CNOT6L: variants seen among roughly 807,000 people sequenced by gnomAD.
CNOT6L encodes CCR4-NOT transcription complex subunit 6-like.
Under a neutral mutation model 64.0 loss-of-function variants are expected in CNOT6L, and 7 were observed. The ratio of observed to expected loss-of-function variants is 0.11; its 90% CI spans 0.06 to 0.21. CNOT6L has a LOEUF of 0.21. CNOT6L is among the 10% of genes least tolerant of loss of function. The pLI is 1.00. For synonymous variants in CNOT6L, 193 were observed against 243.4 expected, an observed-to-expected ratio of 0.79 and a Z score of 1.93; for missense variants, 245 against 669.0, an observed-to-expected ratio of 0.37 and a Z score of 6.99.
At chr4:77,786,577 T>C (rs1729472550) in intron 1 of CNOT6L, among the ~76,000 whole-genome samples, 1 of 152,090 alleles carries the variant, frequency 6.6e-6, no homozygotes, top group Admixed American at 6.5e-5. Context: ...GGGTGTTAAG[T>C]GATTCTCCCA....
chr4:77,793,792 T>C (rs1055343065), intron 1 of CNOT6L, among the ~76,000 whole-genome samples: 4 of 152,252 alleles, frequency 2.6e-5, no homozygotes, highest in African/African-American at 7.2e-5. Flanking sequence ...TACAGGTATA[T>C]GCGTTATAAA....
At chr4:77,782,774 C>A (rs944093858) in intron 1 of CNOT6L, among the ~76,000 whole-genome samples, 5 of 151,940 alleles carry the variant, frequency 3.3e-5, no homozygotes, top group Non-Finnish European at 5.9e-5. Context: ...CCACTACAAC[C>A]AACTATAGTA....
chr4:77,816,118 T>C (rs1469078213), intron 1 of CNOT6L, among the ~76,000 whole-genome samples: 1 of 152,210 alleles, frequency 6.6e-6, no homozygotes, highest in East Asian at 1.9e-4. Flanking sequence ...CTAAACAAGT[T>C]TCCACCTTGA....
chr4:77,720,350 A>G lies in CNOT6L; in HGVS notation c.*81T>C. 1 of 1,330,946 alleles carries G rather than the reference A, an allele frequency of 7.5e-7. No homozygotes were observed. Among genetic ancestry groups the G allele is most frequent in the Non-Finnish European group, 1.1e-6 (1 of 948,680 alleles). The allele number at this position is 1,330,946 out of a possible 1,614,324, so 82.4% of individuals were successfully genotyped here. A position where few individuals can be genotyped will look rare whatever the true frequency, so the allele number is the denominator to read the frequency against. On this transcript the variant is annotated 3_prime_UTR_variant, in exon 12 of 12. Coordinates refer to ENST00000504123, the MANE Select transcript of CNOT6L (RefSeq NM_144571.3). Reference sequence around the variant, plus strand: ...CTGAAGAAGCAGCTTAAGGATGGCCATACTTCACTCCTACATACTTTGATT... The same window carrying G: ...CTGAAGAAGCAGCTTAAGGATGGCCGTACTTCACTCCTACATACTTTGATT...
chr4:77,734,862 C>CA (rs1262282308), intron 8 of CNOT6L, among the ~76,000 whole-genome samples: 2 of 152,056 alleles, frequency 1.3e-5, no homozygotes, highest in Non-Finnish European at 2.9e-5. Context: ...TATGAGCATG[C>CA]ATTCTCTTCT....
chr4:77,751,014 C>T (rs2102116), intron 5 of CNOT6L, among the ~76,000 whole-genome samples: 119,599 of 152,116 alleles, frequency 0.79, 47,873 homozygotes, highest in Non-Finnish European at 0.86. Flanking sequence ...AAGCACTGGT[C>T]ATACCAAGAA....
At chr4:77,733,479 T>C (rs897917999) in intron 8 of CNOT6L, among the ~76,000 whole-genome samples, 2 of 152,128 alleles carry the variant, frequency 1.3e-5, no homozygotes, top group Non-Finnish European at 2.9e-5. Context: ...TGAGTGAACA[T>C]GTTATTTTCA....
chr4:77,717,096 T>C lies in CNOT6L; in HGVS notation c.*3335A>G, dbSNP rs2109834109. 1 of 152,660 alleles carries C rather than the reference T, an allele frequency of 6.6e-6. No individual in the cohort carries two copies. The highest frequency in any genetic ancestry group is 2.4e-5 in the African/African-American group (1 of 41,574). The allele number at this position is 152,660 out of a possible 1,614,324, so 9.5% of individuals were successfully genotyped here. ...TTTACTATATCTGAATTCTAAAAAG[T>C]TGCCTATAGAATGGTGCTGGGATTC... On this transcript the variant is annotated 3_prime_UTR_variant, in exon 12 of 12. Coordinates refer to ENST00000504123, the MANE Select transcript of CNOT6L (RefSeq NM_144571.3).
chr4:77,720,724 A>C (rs1721189199), intron 11 of CNOT6L, 81 bp from the exon 12 acceptor site: 5 of 1,374,196 alleles, frequency 3.6e-6, no homozygotes, highest in Non-Finnish European at 5.1e-6. Context: ...AAACCAAAAA[A>C]CTGACTACCC....
In CNOT6L at chr4:77,819,072, A is replaced by ACACACACACACACACACACC; in HGVS notation, c.5+231_5+232insGGTGTGTGTGTGTGTGTGTG. ...CCGACACACACACACACACACACAC[A>ACACACACACACACACACACC]CACCCCGGAACCTTCGCCCGCCTCT... is the stretch of plus-strand genomic sequence containing the variant. On this transcript the variant is annotated intron_variant, in intron 1 of 11. Coordinates refer to ENST00000504123, the MANE Select transcript of CNOT6L (RefSeq NM_144571.3). 4 of 729,828 alleles carry ACACACACACACACACACACC rather than the reference A, an allele frequency of 5.5e-6. No homozygotes were observed. In the East Asian group the frequency reaches 8.2e-5, roughly 15 times the overall value. 45.2% of individuals were successfully genotyped at this position (729,828 alleles called of 1,614,324 possible).
chr4:77,775,362 T>C (rs1430611438), intron 2 of CNOT6L, among the ~76,000 whole-genome samples: 1 of 152,228 alleles, frequency 6.6e-6, no homozygotes, highest in Non-Finnish European at 1.5e-5. Flanking sequence ...TGGCATTTTA[T>C]ATATAATCTG....
intron 1 of CNOT6L, among the ~76,000 whole-genome samples, chr4:77,792,092 A>T (rs1355908565): frequency 2.0e-5 from 3 of 152,220 alleles, no homozygotes; most frequent in African/African-American, 7.2e-5. Context: ...ATTATCCCCA[A>T]GCAGTAACAT....
At position 77,713,788 on chromosome 4, in the gene CNOT6L, T is replaced by C. The variant is rs1188740723; in HGVS notation, c.*6643A>G. 6.6e-6 allele frequency: 1 copy of C among 152,584 alleles called. No homozygotes were observed. The highest frequency in any genetic ancestry group is 6.6e-5 in the Admixed American group (1 of 15,260). 9.5% of individuals were successfully genotyped at this position (152,584 alleles called of 1,614,324 possible). ...TAGAAAAATAAAGCAGCTGGTGATT[T>C]TGTCAGAGAGAATGTGTTCAGTAAG... On this transcript the variant is annotated 3_prime_UTR_variant, in exon 12 of 12. Transcript: ENST00000504123.
chr4:77,737,242 C>G (rs1275445217), intron 8 of CNOT6L, among the ~76,000 whole-genome samples: 2 of 151,972 alleles, frequency 1.3e-5, no homozygotes, highest in African/African-American at 4.8e-5. Flanking sequence ...AAAACCAAAC[C>G]AAATAGAAGT....
intron 9 of CNOT6L, among the ~76,000 whole-genome samples, chr4:77,730,524 A>G (rs887186003): frequency 2.0e-5 from 3 of 152,042 alleles, no homozygotes; most frequent in African/African-American, 4.8e-5. Flanking sequence ...ACAATATCAG[A>G]AAAAAAAGTA....
chr4:77,812,477 T>A (rs1000668867), intron 1 of CNOT6L, among the ~76,000 whole-genome samples: 1 of 150,680 alleles, frequency 6.6e-6, no homozygotes, highest in Admixed American at 6.7e-5. Context: ...ACTAAGAAAT[T>A]CAGCAAGGTT....
chr4:77,792,890 G>C (rs1387423552), intron 1 of CNOT6L, among the ~76,000 whole-genome samples: 1 of 151,330 alleles, frequency 6.6e-6, no homozygotes, highest in East Asian at 1.9e-4. Context: ...TGCCCCTCAG[G>C]AGACATTTGG....
intron 8 of CNOT6L, among the ~76,000 whole-genome samples, chr4:77,733,395 A>G (rs1050847967): frequency 6.6e-6 from 1 of 152,104 alleles, no homozygotes; most frequent in African/African-American, 2.4e-5. Context: ...CTGCACCAAA[A>G]ACAAGTTAAC....
At chr4:77,748,691 T>C (rs1255165479) in intron 5 of CNOT6L, among the ~76,000 whole-genome samples, 3 of 152,200 alleles carry the variant, frequency 2.0e-5, no homozygotes, top group Non-Finnish European at 4.4e-5. Context: ...TAATTATATA[T>C]GTAAATTGTA....
Sources: gnomAD v4.1 joint callset for allele counts (sites outside exome capture counted in the v4.1 genomes callset) on GRCh38, gnomAD v4.1.1 for gene constraint, MANE v1.5 for transcripts, NCBI Gene and HGNC (gene_info 2026-07-23, HGNC 2026-07-21) for gene names.